Variants in IL12RB2 observed in about 807,000 individuals in gnomAD.
The protein encoded by IL12RB2 is interleukin-12 receptor subunit beta-2.
IL12RB2 carries 82 observed loss-of-function variants against 89.4 expected under a neutral mutation model. The ratio of observed to expected loss-of-function variants is 0.92; its 90% confidence interval spans 0.77 to 1.10. The LOEUF is 1.10. Ranked by LOEUF, IL12RB2 falls within the 50% of genes least tolerant of loss-of-function variation. The pLI is 0.00. For missense variants in IL12RB2, 963 were observed against 1,031.9 expected (o/e 0.93, Z 0.92); for synonymous variants, 368 against 370.1 (o/e 0.99, Z 0.07).
chr1:67,313,075 C>G (rs1408269662), intron 1 of IL12RB2, among the ~76,000 whole-genome samples: 2 of 152,234 alleles, frequency 1.3e-5, no homozygotes, highest in African/African-American at 4.8e-5. Flanking sequence ...TGGCTTGTTA[C>G]ATTCTTTCAC....
chr1:67,378,200 T>G (rs545029154), intron 13 of IL12RB2, among the ~76,000 whole-genome samples: 1 of 152,312 alleles, frequency 6.6e-6, no homozygotes, highest in Admixed American at 6.5e-5. Context: ...AGGCTACTTC[T>G]GCTAGAGTGC....
chr1:67,386,967 C>T (rs1198165446), intron 15 of IL12RB2, among the ~76,000 whole-genome samples: 2 of 133,274 alleles, frequency 1.5e-5, no homozygotes, highest in South Asian at 2.5e-4. Flanking sequence ...TCACTCTTGT[C>T]GCCCAGGCTG....
intron 14 of IL12RB2, among the ~76,000 whole-genome samples, chr1:67,381,621 C>CCGGGCATGGTGG (rs1664583450): frequency 6.6e-6 from 1 of 152,034 alleles, no homozygotes; most frequent in African/African-American, 2.4e-5. Context: ...AAAAAATTAG[C>CCGGGCATGGTGG]CGGGCATGGT....
intron 13 of IL12RB2, among the ~76,000 whole-genome samples, chr1:67,379,619 A>C (rs1455296580): frequency 3.3e-5 from 5 of 151,882 alleles, no homozygotes; most frequent in African/African-American, 1.2e-4. Flanking sequence ...AAATGTTATC[A>C]TCATTGGAAA....
chr1:67,326,896 T>C (rs1657371192), intron 5 of IL12RB2, 47 bp downstream of exon 5: 1 of 1,343,890 alleles, frequency 7.4e-7, no homozygotes, highest in South Asian at 2.4e-5. Flanking sequence ...GATCTTCTCT[T>C]AAATGACATT....
At chr1:67,346,450 G>C (rs17838048) in intron 9 of IL12RB2, among the ~76,000 whole-genome samples, 1 of 144,366 alleles carries the variant, frequency 6.9e-6, no homozygotes, top group African/African-American at 2.7e-5. Flanking sequence ...GCAGTGGTGC[G>C]ATATTAGCTC....
At chr1:67,354,947 C>T (rs1344744173) in intron 10 of IL12RB2, among the ~76,000 whole-genome samples, 2 of 152,140 alleles carry the variant, frequency 1.3e-5, no homozygotes, top group African/African-American at 4.8e-5. Context: ...ATTTTGTTAG[C>T]TTATGATAAA....
intron 1 of IL12RB2, among the ~76,000 whole-genome samples, chr1:67,310,783 G>A (rs1446651930): frequency 6.6e-6 from 1 of 152,124 alleles, no homozygotes; most frequent in Non-Finnish European, 1.5e-5. Context: ...GGAGTGCAGT[G>A]GTGCGATCTT....
chr1:67,368,091 G>T (rs1662907609), intron 11 of IL12RB2, 66 bp downstream of exon 11: 9 of 1,030,338 alleles, frequency 8.7e-6, no homozygotes, highest in Non-Finnish European at 1.2e-5. Flanking sequence ...GAAACTGCAG[G>T]CAAGAGCCAG....
Position 67,328,301 on chromosome 1 carries a change from C to A in IL12RB2, c.581C>A (p.Ser194Tyr). 6.2e-7 allele frequency: 1 copy of A among 1,614,164 alleles called. No homozygotes were observed. Among genetic ancestry groups the A allele is most frequent in the Non-Finnish European group, 8.5e-7 (1 of 1,180,028 alleles). ...GINLTPESPE[S>Y]NFTAKVTAVN... Reference sequence around the variant, plus strand: ...AACCTCACCCCTGAATCACCTGAATCCAATTTCACAGCCAAGGTTACTGCT... The same window carrying A: ...AACCTCACCCCTGAATCACCTGAATACAATTTCACAGCCAAGGTTACTGCT... The change falls in exon 6 of 17, where the codon TCC (serine) becomes TAC (tyrosine). Residue 194 changes from serine (S) to tyrosine (Y), a missense_variant. Ser to Tyr is a moderately radical substitution (Grantham distance 144). Transcript: ENST00000674203.
chr1:67,311,548 A>T, intron 1 of IL12RB2, among the ~76,000 whole-genome samples: 1 of 152,212 alleles, frequency 6.6e-6, no homozygotes, highest in Non-Finnish European at 1.5e-5. Context: ...TTAACAACTA[A>T]ATTATATGCT....
chr1:67,361,131 A>G (rs1661994971), intron 10 of IL12RB2, among the ~76,000 whole-genome samples: 1 of 152,214 alleles, frequency 6.6e-6, no homozygotes, highest in Non-Finnish European at 1.5e-5. Context: ...ATGTAATCAT[A>G]GGGTTATAGA....
intron 14 of IL12RB2, among the ~76,000 whole-genome samples, chr1:67,386,208 CAAAAAAAA>C (rs755471388): frequency 1.8e-5 from 1 of 54,550 alleles, no homozygotes; most frequent in Non-Finnish European, 3.1e-5. Context: ...GACTCCATCT[CAAAAAAAA>C]AAAAAAAAAA....
At chr1:67,364,364 C>T (rs3961459) in intron 10 of IL12RB2, among the ~76,000 whole-genome samples, 11,381 of 152,086 alleles carry the variant, frequency 0.075, 839 homozygotes, top group East Asian at 0.21. Flanking sequence ...GCACTCCAGC[C>T]TGTGAGACAG....
At chr1:67,335,241 A>G (rs1175877384) in intron 8 of IL12RB2, among the ~76,000 whole-genome samples, 2 of 152,250 alleles carry the variant, frequency 1.3e-5, no homozygotes, top group African/African-American at 2.4e-5. Context: ...TTAATGACAC[A>G]GGGAAGGTGG....
chr1:67,364,249 G>T (rs563388968), intron 10 of IL12RB2, among the ~76,000 whole-genome samples: 2 of 152,292 alleles, frequency 1.3e-5, no homozygotes, highest in South Asian at 4.1e-4. Flanking sequence ...AAATTAGCCA[G>T]GTGTGGTGGT....
At chr1:67,345,021 G>A (rs1395142256) in intron 9 of IL12RB2, among the ~76,000 whole-genome samples, 4 of 151,938 alleles carry the variant, frequency 2.6e-5, no homozygotes, top group African/African-American at 9.7e-5. Flanking sequence ...ATACAAAAAT[G>A]TTAGCCAGGC....
In IL12RB2 at chr1:67,395,977, A is replaced by T; in HGVS notation, c.2477A>T (p.His826Leu). 1 of 1,605,454 alleles carries T rather than the reference A, an allele frequency of 6.2e-7. No individual in the cohort carries two copies. Among genetic ancestry groups the T allele is most frequent in the Non-Finnish European group, 8.5e-7 (1 of 1,172,028 alleles). The change falls in exon 17 of 17, where the codon CAC (histidine) becomes CTC (leucine). Residue 826 changes from histidine to leucine, a missense_variant. Transcript: ENST00000674203. The stretch of plus-strand genomic sequence containing the variant: ...TCTCTGGAAGAACTGGAGCCTCAGC[A>T]CATCTCCCTTTCTGTTTTCCCCTCA... Reference protein sequence around the residue: ...ADSLEELEPQHISLSVFPSSS... With the variant: ...ADSLEELEPQLISLSVFPSSS...
chr1:67,358,339 G>A (rs1201198791), intron 10 of IL12RB2, among the ~76,000 whole-genome samples: 1 of 152,166 alleles, frequency 6.6e-6, no homozygotes, highest in Non-Finnish European at 1.5e-5. Flanking sequence ...ACTTTGGGAG[G>A]TCAAGGCAGG....
Sources: allele counts gnomAD v4.1 joint callset (sites outside exome capture counted in the v4.1 genomes callset), GRCh38; gene constraint gnomAD v4.1.1; transcripts MANE v1.5; gene names NCBI Gene and HGNC (gene_info 2026-07-23, HGNC 2026-07-21).